The following TACC2 variants were observed in gnomAD, a reference collection of about 807,000 sequenced individuals.
The protein encoded by TACC2 is transforming acidic coiled-coil containing protein 2.
Under a neutral mutation model 227.3 loss-of-function variants are expected in TACC2, and 137 were observed. The ratio of observed to expected loss-of-function variants is 0.60; its 90% CI spans 0.52 to 0.69. The LOEUF is 0.69. Among genes scored for constraint, TACC2 ranks in the 30% least tolerant of loss-of-function variants. The probability of loss-of-function intolerance (pLI) is 0.00; values close to 1 mark genes in which losing one functional copy is unlikely to be tolerated. For synonymous variants in TACC2, 1,523 were observed against 1,487.5 expected (o/e 1.02, Z -0.55); for missense variants, 3,470 against 3,694.4 (o/e 0.94, Z 1.57).
chr10:122,189,293 A>G (rs2094326842), intron 7 of TACC2, among the ~76,000 whole-genome samples: 1 of 152,184 alleles, frequency 6.6e-6, no homozygotes, highest in South Asian at 2.1e-4. Context: ...TTACTCACAG[A>G]GTCCTCAAAC....
intron 7 of TACC2, among the ~76,000 whole-genome samples, chr10:122,153,364 G>A (rs773355431): frequency 5.3e-5 from 8 of 152,196 alleles, no homozygotes; most frequent in Admixed American, 6.5e-5. Flanking sequence ...CCATTTTATA[G>A]ATGGGACAAC....
At chr10:122,000,613 A>C (rs1954183121) in intron 1 of TACC2, among the ~76,000 whole-genome samples, 1 of 152,026 alleles carries the variant, frequency 6.6e-6, no homozygotes, top group South Asian at 2.1e-4. Context: ...TTTCTTTCTT[A>C]ATATTTTATT....
rs779288189 is a variant in TACC2, at chr10:122,085,624, G to T, written c.3124G>T (p.Glu1042Ter). The T allele has an allele frequency of 1.8e-5, 29 of 1,613,266 alleles. No homozygotes were observed. The highest frequency in any genetic ancestry group is 2.4e-5 in the Non-Finnish European group (28 of 1,180,034). The change falls in exon 4 of 23, where the codon GAG (glutamate) becomes TAG (stop). Residue 1042 changes from glutamate to a stop codon, truncating the protein, a stop_gained. Transcript: ENST00000369005. LOFTEE classifies it high-confidence loss of function. ...GGAGATGGCAAGTGGAAACACAGGG[G>T]AGGCCCCACCTTGTCAGCCTGACTC... is the stretch of plus-strand genomic sequence containing the variant. ...KREMASGNTG[E>*]APPCQPDSVA...
At chr10:122,100,603 G>T (rs539695356) in intron 5 of TACC2, among the ~76,000 whole-genome samples, 6 of 151,908 alleles carry the variant, frequency 3.9e-5, no homozygotes, top group South Asian at 4.2e-4. Context: ...GTTTTGTATT[G>T]TTAGTACAGA....
rs367623774 is a variant in TACC2, at chr10:122,044,897, G to C, written c.34-5541G>C. Among the ~76,000 whole-genome samples the C allele has an allele frequency of 3.5e-4, 54 of 152,216 alleles. No individual in the cohort carries two copies. In the South Asian group the frequency reaches 0.011, roughly 31 times the overall value. ...TGGGCGAGTCCACGTGTCCTGTAAGGCTTGCCAATTGTTTTTCCAGCCTGC... is the reference window on the plus strand; with the variant it reads ...TGGGCGAGTCCACGTGTCCTGTAAGCCTTGCCAATTGTTTTTCCAGCCTGC... On this transcript the variant is annotated intron_variant, in intron 2 of 22. Coordinates refer to ENST00000369005, the MANE Select transcript of TACC2 (RefSeq NM_206862.4).
Position 122,084,793 on chromosome 10 carries a change from C to T in TACC2, c.2293C>T (p.Pro765Ser), listed in dbSNP as rs1026886132. 6.2e-7 allele frequency: 1 copy of T among 1,613,466 alleles called. No homozygotes were observed. The highest frequency in any genetic ancestry group is 8.5e-7 in the Non-Finnish European group (1 of 1,180,034). The change falls in exon 4 of 23, where the codon CCG (proline) becomes TCG (serine). Residue 765 changes from proline to serine, a missense_variant. This residue lies in a region of TACC2 where 1,924 missense variants were observed against 1,978.3 expected (regional missense o/e 0.97). Transcript: ENST00000369005. The part of the protein sequence containing the change: ...LLTSPDQPRG[P>S]ACDASRQEFH... ...GACGTCCCCAGATCAACCCCGCGGG[C>T]CGGCGTGTGATGCGTCGAGACAGGA... is the stretch of plus-strand genomic sequence containing the variant.
At chr10:122,025,678 A>G (rs1957905995) in intron 2 of TACC2, among the ~76,000 whole-genome samples, 1 of 150,536 alleles carries the variant, frequency 6.6e-6, no homozygotes, top group Non-Finnish European at 1.5e-5. Context: ...GGTTCATGCC[A>G]TTCTCCTGCC....
chr10:122,087,090 G>C lies in TACC2; in HGVS notation c.4590G>C (p.Arg1530Ser), dbSNP rs2137165650. The C allele has an allele frequency of 6.2e-7, 1 of 1,611,618 alleles. No individual in the cohort carries two copies. The highest frequency in any genetic ancestry group is 2.2e-5 in the East Asian group (1 of 44,856). The change falls in exon 4 of 23, where the codon AGG becomes AGC. Residue 1530 changes from arginine (R) to serine (S), a missense_variant. By Grantham distance (110) the Arg-to-Ser change is moderately radical. This residue lies in a region of TACC2 where 1,924 missense variants were observed against 1,978.3 expected (regional missense o/e 0.97). Transcript: ENST00000369005. The stretch of plus-strand genomic sequence containing the variant: ...CACCCACACTGAGGGAAGACGAGAG[G>C]CCAGAGGGGCCTGGGGCAGCCTGGC... ...GVPPTLREDE[R>S]PEGPGAAWPG...
chr10:122,229,790 A>G (rs780614987), intron 15 of TACC2, among the ~76,000 whole-genome samples: 15 of 152,188 alleles, frequency 9.9e-5, no homozygotes, highest in Non-Finnish European at 2.1e-4. Flanking sequence ...TATTCACTGA[A>G]CCAAGAATAT....
intron 7 of TACC2, among the ~76,000 whole-genome samples, chr10:122,182,716 C>T (rs2094012072): frequency 1.3e-5 from 2 of 152,282 alleles, no homozygotes; most frequent in South Asian, 4.1e-4. Flanking sequence ...GCGGGATTCT[C>T]ATCAGCAGGG....
chr10:122,003,183 C>G lies in TACC2; in HGVS notation c.-46+13695C>G, dbSNP rs142272819. On this transcript the variant is annotated intron_variant, in intron 1 of 22. Coordinates refer to ENST00000369005, the MANE Select transcript of TACC2 (RefSeq NM_206862.4). ...ACATCATTGCACTCCCTAGCCTAGA[C>G]GACAAAGCAAGACTCTGTCTCAAAC... Among the ~76,000 whole-genome samples, 75 of 151,990 alleles carry G rather than the reference C, an allele frequency of 4.9e-4. 1 individual carries two copies. The East Asian group carries it at 0.013, about 26-fold the overall frequency.
intron 7 of TACC2, among the ~76,000 whole-genome samples, chr10:122,187,231 C>T (rs529610741): frequency 3.9e-5 from 6 of 152,220 alleles, no homozygotes; most frequent in South Asian, 2.1e-4. Flanking sequence ...GAGCCCCCTT[C>T]ATTCTGGAAG....
In TACC2 at chr10:122,150,735, C is replaced by T. The variant is rs1230398597; in HGVS notation, c.5834+7029C>T. On this transcript the variant is annotated intron_variant, in intron 7 of 22. Coordinates refer to ENST00000369005, the MANE Select transcript of TACC2 (RefSeq NM_206862.4). This position sits in a 1 kb window ranked among gnomAD's most constrained non-coding sequence, Gnocchi z 4.0. ...CCTCGCCGTGTTGATGAGCCAGTTT[C>T]TTTAATACTTCGCTGTCAGGAGAAG... Among the ~76,000 whole-genome samples the T allele has an allele frequency of 6.6e-6, 1 of 152,202 alleles. No individual in the cohort carries two copies. Among genetic ancestry groups the T allele is most frequent in the Admixed American group, 6.5e-5 (1 of 15,280 alleles).
At chr10:122,041,667 G>A (rs971318804) in intron 2 of TACC2, among the ~76,000 whole-genome samples, 5 of 152,020 alleles carry the variant, frequency 3.3e-5, no homozygotes, top group Non-Finnish European at 5.9e-5. Context: ...GGCCAGGCTC[G>A]AACTCCTGAG....
intron 5 of TACC2, among the ~76,000 whole-genome samples, chr10:122,101,070 C>A (rs1448818456): frequency 1.3e-5 from 2 of 152,110 alleles, no homozygotes; most frequent in Non-Finnish European, 2.9e-5. Flanking sequence ...AAGACAGGGG[C>A]AAGTGTATTA....
intron 5 of TACC2, among the ~76,000 whole-genome samples, chr10:122,119,033 A>G (rs1471535254): frequency 6.6e-6 from 1 of 151,804 alleles, no homozygotes; most frequent in Admixed American, 6.6e-5. Context: ...TTAAGTGTAC[A>G]GTTTGGTGGT....
intron 2 of TACC2, among the ~76,000 whole-genome samples, chr10:122,034,207 GGGT>G (rs10591788): frequency 0.83 from 122,790 of 148,598 alleles, 50,784 homozygotes; most frequent in Middle Eastern, 0.88. Flanking sequence ...GCTGTTAGGT[GGGT>G]GGTGCACTTG....
intron 12 of TACC2, among the ~76,000 whole-genome samples, 155 bp downstream of exon 12, chr10:122,224,942 T>TG (rs888563511): frequency 6.6e-6 from 1 of 151,926 alleles, no homozygotes; most frequent in African/African-American, 2.4e-5. Flanking sequence ...GGACTGGGGC[T>TG]GGGGGGTTGA....
chr10:122,082,582 C>A, intron 3 of TACC2, 65 bp from the exon 4 acceptor site: 1 of 1,532,664 alleles, frequency 6.5e-7, no homozygotes, highest in Non-Finnish European at 8.8e-7. Context: ...TGGGGGGTGA[C>A]CTGCCTGCAG....
Sources: allele counts gnomAD v4.1 joint callset (sites outside exome capture counted in the v4.1 genomes callset), GRCh38; gene constraint gnomAD v4.1.1; regional missense constraint gnomAD v4.1.1; non-coding constraint Gnocchi (gnomAD v3.1); transcripts MANE v1.5; gene names NCBI Gene and HGNC (gene_info 2026-07-23, HGNC 2026-07-21).